Variants in CNTN1 observed in about 807,000 individuals in gnomAD.
The protein encoded by CNTN1 is contactin-1.
A neutral mutation model predicts 126.4 loss-of-function variants in CNTN1; 38 were observed. The observed-to-expected ratio is 0.30, with a 90% CI of 0.23 to 0.39. The LOEUF is 0.39. Among genes scored for constraint, CNTN1 ranks in the 10% least tolerant of loss-of-function variants. CNTN1 has a pLI of 1.00. For synonymous variants in CNTN1, 413 were observed against 422.6 expected, an observed-to-expected ratio of 0.98 and a Z score of 0.28; for missense variants, 1,009 against 1,248.4, an observed-to-expected ratio of 0.81 and a Z score of 2.89.
chr12:40,929,685 T>G (rs1945815856), intron 6 of CNTN1, 111 bp from the exon 7 acceptor site: 8 of 796,320 alleles, frequency 1.0e-5, no homozygotes, highest in Non-Finnish European at 1.7e-5. Context: ...TAACATTTGC[T>G]CCACAATAGC....
chr12:40,917,528 CTCATCT>C (rs1945288074), intron 3 of CNTN1, among the ~76,000 whole-genome samples: 1 of 152,264 alleles, frequency 6.6e-6, no homozygotes, highest in Admixed American at 6.5e-5. Flanking sequence ...GAACAGCACT[CTCATCT>C]TCAAGTTTAG....
At position 41,069,997 on chromosome 12, in the gene CNTN1, C is replaced by A. The variant is rs1391984602; in HGVS notation, c.3019C>A (p.Leu1007Met). Residue 1007 changes from leucine to methionine, a missense_variant, in exon 24 of 24, where the codon CTG (leucine) becomes ATG (methionine). Transcript: ENST00000551295. ...TLSPSLLGLL[L>M]PAFGILVYLE... ...ATCCCCAAGTCTTCTCGGCTTACTG[C>A]TGCCTGCCTTTGGCATCCTTGTCTA... 2.5e-6 allele frequency: 4 copies of A among 1,613,936 alleles called. No individual in the cohort carries two copies. Among genetic ancestry groups the A allele is most frequent in the Non-Finnish European group, 3.4e-6 (4 of 1,179,998 alleles).
At chr12:40,968,617 T>C (rs1013951936) in intron 15 of CNTN1, among the ~76,000 whole-genome samples, 6 of 152,196 alleles carry the variant, frequency 3.9e-5, no homozygotes, top group Non-Finnish European at 7.3e-5. Flanking sequence ...TCTTAGATTA[T>C]AATGTCTACA....
chr12:40,870,271 G>A (rs71449783), intron 1 of CNTN1, among the ~76,000 whole-genome samples: 5,108 of 151,674 alleles, frequency 0.034, 116 homozygotes, highest in Middle Eastern at 0.11. Context: ...AAAGAATAAA[G>A]CAAAAATATT....
rs193250493 is a variant in CNTN1, at chr12:40,760,463, T to C, written c.-77+67871T>C. Among the ~76,000 whole-genome samples, 479 of 152,084 alleles carry C rather than the reference T, an allele frequency of 3.1e-3. 1 individual carries two copies. The highest frequency in any genetic ancestry group is 0.014 in the Middle Eastern group (4 of 294). On this transcript the variant is annotated intron_variant, in intron 1 of 23. Coordinates refer to ENST00000551295, the MANE Select transcript of CNTN1 (RefSeq NM_001843.4). ...CCAACATTATTATTATTGACAGCAG[T>C]TAATGTTTTTTTTTTTGCAGTTCTT... is the stretch of plus-strand genomic sequence containing the variant.
intron 15 of CNTN1, among the ~76,000 whole-genome samples, chr12:40,962,521 T>C (rs75085135): frequency 0.034 from 5,176 of 152,182 alleles, 284 homozygotes; most frequent in African/African-American, 0.12. Flanking sequence ...GGCCTTTTAC[T>C]GAGAGAAAAC....
At position 41,070,183 on chromosome 12, in the gene CNTN1, A is replaced by G; in HGVS notation, c.*148A>G. ...ACTATTCAACTGATTTACAACACAC[A>G]TGATGACTGAGGCATTCGGGAACCC... On this transcript the variant is annotated 3_prime_UTR_variant, in exon 24 of 24. Transcript: ENST00000551295. The G allele has an allele frequency of 1.4e-6, 1 of 727,856 alleles. No individual in the cohort carries two copies. Among genetic ancestry groups the G allele is most frequent in the Non-Finnish European group, 2.4e-6 (1 of 411,284 alleles). The allele number at this position is 727,856 out of a possible 1,614,324, so 45.1% of individuals were successfully genotyped here. A position where few individuals can be genotyped will look rare whatever the true frequency, so the allele number is the denominator to read the frequency against.
chr12:40,768,471 CCAT>C (rs1258804018), intron 1 of CNTN1, among the ~76,000 whole-genome samples: 1 of 152,188 alleles, frequency 6.6e-6, no homozygotes, highest in African/African-American at 2.4e-5. Flanking sequence ...AAGACGTGAT[CCAT>C]CTTTTCCTAA....
chr12:40,845,617 T>C (rs919201833), intron 1 of CNTN1, among the ~76,000 whole-genome samples: 2 of 151,976 alleles, frequency 1.3e-5, no homozygotes, highest in African/African-American at 2.4e-5. Context: ...AAAGACCAAA[T>C]AATTAGAGAG....
chr12:40,853,223 A>T (rs572189779), intron 1 of CNTN1, among the ~76,000 whole-genome samples: 1 of 152,242 alleles, frequency 6.6e-6, no homozygotes, highest in Non-Finnish European at 1.5e-5. Flanking sequence ...AAAAAAATTG[A>T]ATGTCTGAAC....
rs146943786 is a variant in CNTN1, at chr12:40,885,692, T to C, written c.-76-22665T>C. Among the ~76,000 whole-genome samples the C allele has an allele frequency of 3.5e-3, 527 of 152,182 alleles. 3 individuals are homozygous for C. Among genetic ancestry groups the C allele is most frequent in the African/African-American group, 0.012 (504 of 41,572 alleles). The stretch of plus-strand genomic sequence containing the variant: ...GCATTAGCTATAATTTGTTCCAAAA[T>C]AGTCTTAATGTCCTTTTCAAACATT... On this transcript the variant is annotated intron_variant, in intron 1 of 23. Coordinates refer to ENST00000551295, the MANE Select transcript of CNTN1 (RefSeq NM_001843.4).
chr12:40,722,533 G>A (rs1435371320), intron 1 of CNTN1, among the ~76,000 whole-genome samples: 1 of 152,122 alleles, frequency 6.6e-6, no homozygotes, highest in African/African-American at 2.4e-5. Flanking sequence ...ATTCGTGACA[G>A]TAAACTCCAC....
chr12:40,744,150 G>A (rs1022805840), intron 1 of CNTN1, among the ~76,000 whole-genome samples: 2 of 151,994 alleles, frequency 1.3e-5, no homozygotes, highest in Admixed American at 6.6e-5. Flanking sequence ...GGGGTAGAGG[G>A]AGGGAAAGCA....
intron 1 of CNTN1, among the ~76,000 whole-genome samples, chr12:40,789,852 A>T (rs1940154398): frequency 6.6e-6 from 1 of 152,116 alleles, no homozygotes; most frequent in South Asian, 2.1e-4. Flanking sequence ...AAATAATTGT[A>T]TTATCATTTT....
At chr12:40,888,367 A>G (rs1944126395) in intron 1 of CNTN1, among the ~76,000 whole-genome samples, 1 of 152,196 alleles carries the variant, frequency 6.6e-6, no homozygotes, top group Non-Finnish European at 1.5e-5. Flanking sequence ...TCAAAAAACA[A>G]TAACTAATTT....
chr12:40,787,078 A>C (rs568476036), intron 1 of CNTN1, among the ~76,000 whole-genome samples: 7 of 152,292 alleles, frequency 4.6e-5, no homozygotes, highest in African/African-American at 1.7e-4. Context: ...TATATTAAAA[A>C]ATCTGCCTCT....
chr12:40,865,009 C>T (rs989798694), intron 1 of CNTN1, among the ~76,000 whole-genome samples: 1 of 152,060 alleles, frequency 6.6e-6, no homozygotes, highest in Non-Finnish European at 1.5e-5. Context: ...TTTCTTCTTG[C>T]CTTTTTTATT....
rs967140562 is a variant in CNTN1, at chr12:40,908,598, T to C, written c.61+105T>C. The C allele has an allele frequency of 3.7e-5, 29 of 783,880 alleles. No individual in the cohort carries two copies. In the South Asian group the frequency reaches 4.6e-4, roughly 12 times the overall value. 48.6% of individuals were successfully genotyped at this position (783,880 alleles called of 1,614,324 possible). A position where few individuals can be genotyped will look rare whatever the true frequency, so the allele number is the denominator to read the frequency against. Reference sequence around the variant, plus strand: ...AGTAAAAATTCTTATTTTCTCGACATCTGGGTCAGATAAGTAGATAAATAT... The same window carrying C: ...AGTAAAAATTCTTATTTTCTCGACACCTGGGTCAGATAAGTAGATAAATAT... On this transcript the variant is annotated intron_variant, in intron 2 of 23. Transcript: ENST00000551295.
intron 17 of CNTN1, among the ~76,000 whole-genome samples, chr12:41,010,539 C>T (rs368061295): frequency 1.3e-5 from 2 of 152,298 alleles, no homozygotes; most frequent in South Asian, 4.1e-4. Context: ...AAAGTGGTCA[C>T]CCTTAGGAGG....
Sources: gnomAD v4.1 joint callset for allele counts (sites outside exome capture counted in the v4.1 genomes callset) on GRCh38, gnomAD v4.1.1 for gene constraint, MANE v1.5 for transcripts, NCBI Gene and HGNC (gene_info 2026-07-23, HGNC 2026-07-21) for gene names.